RASGRF2: variants seen among roughly 807,000 people sequenced by gnomAD.
RASGRF2 encodes Ras protein specific guanine nucleotide releasing factor 2.
A neutral mutation model predicts 151.0 loss-of-function variants in RASGRF2; 76 were observed. The observed-to-expected ratio is 0.50, with a 90% CI of 0.42 to 0.61. The LOEUF (loss-of-function observed/expected upper bound fraction) is 0.61. Among genes scored for constraint, RASGRF2 ranks in the 20% least tolerant of loss-of-function variants. RASGRF2 has a pLI of 0.00. For missense variants in RASGRF2, 1,148 were observed against 1,564.6 expected, an observed-to-expected ratio of 0.73 and a Z score of 4.49; for synonymous variants, 504 against 566.5, an observed-to-expected ratio of 0.89 and a Z score of 1.57.
chr5:81,130,089 T>G (rs1328065322), intron 17 of RASGRF2, among the ~76,000 whole-genome samples: 5 of 152,202 alleles, frequency 3.3e-5, no homozygotes, highest in Middle Eastern at 3.2e-3. Context: ...TCTGTTGCCT[T>G]TTTTCCTACT....
Position 81,109,093 on chromosome 5 carries a change from C to T in RASGRF2, c.1838+15C>T, listed in dbSNP as rs1466407887. 6.2e-7 allele frequency: 1 copy of T among 1,600,826 alleles called. No homozygotes were observed. The highest frequency in any genetic ancestry group is 1.1e-5 in the South Asian group (1 of 89,918). On this transcript the variant is annotated intron_variant, in intron 13 of 26. Transcript: ENST00000265080. ...CATATGATTAAGTAAGTGTGAGAAT[C>T]CTTTCCTTTACATTTTAATCAAGAT...
chr5:81,158,588 AAAG>A (rs1335663258), intron 17 of RASGRF2, among the ~76,000 whole-genome samples: 1 of 152,144 alleles, frequency 6.6e-6, no homozygotes, highest in African/African-American at 2.4e-5. Flanking sequence ...CGAAATATAT[AAAG>A]AAGTTTTACA....
chr5:81,119,088 C>T (rs142316189), intron 15 of RASGRF2, among the ~76,000 whole-genome samples: 66 of 152,328 alleles, frequency 4.3e-4, no homozygotes, highest in African/African-American at 1.5e-3. Flanking sequence ...TCATCCTTAA[C>T]GCTCCATCCA....
In RASGRF2 at chr5:81,184,886, C is replaced by A. The variant is rs116440295; in HGVS notation, c.2793+4605C>A. On this transcript the variant is annotated intron_variant, in intron 18 of 26. Coordinates refer to ENST00000265080, the MANE Select transcript of RASGRF2 (RefSeq NM_006909.3). ...GTCTCTGACCTCAAGGGGCTTCCAGCCATTGGGAAAATGCCCACTAACAGC... is the reference window on the plus strand; with the variant it reads ...GTCTCTGACCTCAAGGGGCTTCCAGACATTGGGAAAATGCCCACTAACAGC... 2.5e-3 allele frequency among the ~76,000 whole-genome samples: 380 copies of A among 152,318 alleles called. 3 individuals carry two copies. Among genetic ancestry groups the A allele is most frequent in the African/African-American group, 8.4e-3 (350 of 41,558 alleles).
chr5:81,180,691 G>GAC (rs1422312912), intron 18 of RASGRF2, among the ~76,000 whole-genome samples: 1 of 134,496 alleles, frequency 7.4e-6, no homozygotes, highest in Non-Finnish European at 1.6e-5. Context: ...CACCCAGCTA[G>GAC]ACACAAACCT....
Position 80,960,656 on chromosome 5 carries a change from C to T in RASGRF2, c.-83C>T. 8.0e-7 allele frequency: 1 copy of T among 1,244,872 alleles called. No individual in the cohort carries two copies. The highest frequency in any genetic ancestry group is 3.1e-5 in the East Asian group (1 of 32,592). 77.1% of individuals were successfully genotyped at this position (1,244,872 alleles called of 1,614,324 possible). A position where few individuals can be genotyped will look rare whatever the true frequency, so the allele number is the denominator to read the frequency against. ...TCGCCGGCCGGGACCTGAGCGGTCG[C>T]GCCCTCGAGGGAGCCAGCTGGGCCA... On this transcript the variant is annotated 5_prime_UTR_variant, in exon 1 of 27. Transcript: ENST00000265080. This position sits in a 1 kb window ranked among gnomAD's most constrained non-coding sequence, Gnocchi z 5.5.
chr5:81,189,558 G>A (rs189654305), intron 18 of RASGRF2, among the ~76,000 whole-genome samples: 43 of 150,356 alleles, frequency 2.9e-4, no homozygotes, highest in African/African-American at 7.8e-4. Context: ...TGGTGCGATC[G>A]TAGCTCACTA....
chr5:81,081,817 G>A (rs545896877), intron 7 of RASGRF2, among the ~76,000 whole-genome samples: 8 of 152,288 alleles, frequency 5.3e-5, no homozygotes, highest in South Asian at 4.1e-4. Flanking sequence ...ATTTTTAACC[G>A]AAAGGATGCA....
At chr5:81,187,920 T>G (rs1755067317) in intron 18 of RASGRF2, among the ~76,000 whole-genome samples, 1 of 152,230 alleles carries the variant, frequency 6.6e-6, no homozygotes, top group African/African-American at 2.4e-5. Context: ...AGCACTGAGT[T>G]CAGGTTTGTT....
intron 4 of RASGRF2, among the ~76,000 whole-genome samples, chr5:81,071,865 C>T (rs554465799): frequency 8.5e-5 from 13 of 152,052 alleles, no homozygotes; most frequent in East Asian, 1.9e-4. Context: ...ATCTATTGGT[C>T]GGCAAGCACC....
chr5:81,090,969 C>T (rs1005565368), intron 9 of RASGRF2, among the ~76,000 whole-genome samples: 2 of 152,144 alleles, frequency 1.3e-5, no homozygotes, highest in African/African-American at 2.4e-5. Context: ...TTTCACTCAG[C>T]CCTAAGTCAT....
At chr5:80,999,471 T>G (rs1749008312) in intron 1 of RASGRF2, among the ~76,000 whole-genome samples, 2 of 152,152 alleles carry the variant, frequency 1.3e-5, no homozygotes, top group Admixed American at 1.3e-4. Context: ...GCCTCCTGAG[T>G]AGCTAGGACT....
At chr5:80,981,417 T>C (rs35000) in intron 1 of RASGRF2, among the ~76,000 whole-genome samples, 101,834 of 152,002 alleles carry the variant, frequency 0.67, 34,241 homozygotes, top group East Asian at 0.77. Flanking sequence ...CAGTGGTCCA[T>C]GTGCTACAAC....
chr5:81,119,998 A>T (rs1328294924), intron 15 of RASGRF2, among the ~76,000 whole-genome samples: 3 of 152,124 alleles, frequency 2.0e-5, no homozygotes, highest in African/African-American at 7.2e-5. Context: ...GGAGGGGCCC[A>T]TGGCACTTGG....
chr5:81,050,012 A>C (rs1267511122), intron 2 of RASGRF2, among the ~76,000 whole-genome samples: 1 of 152,164 alleles, frequency 6.6e-6, no homozygotes, highest in African/African-American at 2.4e-5. Context: ...CCTGGATAGG[A>C]ATGTAAGGCA....
At chr5:81,096,987 A>C (rs2112510193) in intron 12 of RASGRF2, among the ~76,000 whole-genome samples, 1 of 150,530 alleles carries the variant, frequency 6.6e-6, no homozygotes, top group Middle Eastern at 3.4e-3. Flanking sequence ...TTTGAGATGG[A>C]GTCTCGCTCT....
Position 80,960,474 on chromosome 5 carries a change from T to C in RASGRF2, c.-265T>C. On this transcript the variant is annotated 5_prime_UTR_variant, in exon 1 of 27. Transcript: ENST00000265080. The surrounding 1 kb of genome is among the most constrained non-coding windows in gnomAD (Gnocchi z 5.5). ...CGCGGGGCCGCGCTCCACGCGGGCG[T>C]TGGGGGCTTGGGGGGCTCCGGGGGC... Among the ~76,000 whole-genome samples, 1 of 141,808 alleles carries C rather than the reference T, an allele frequency of 7.1e-6. No individual in the cohort carries two copies. Among genetic ancestry groups the C allele is most frequent in the South Asian group, 2.6e-4 (1 of 3,878 alleles). The allele number at this position is 141,808 out of a possible 152,430, so 93.0% of individuals were successfully genotyped here. A position where few individuals can be genotyped will look rare whatever the true frequency, so the allele number is the denominator to read the frequency against.
At chr5:81,062,024 A>C (rs1751458142) in intron 2 of RASGRF2, among the ~76,000 whole-genome samples, 1 of 148,502 alleles carries the variant, frequency 6.7e-6, no homozygotes, top group African/African-American at 2.5e-5. Flanking sequence ...AAAAAAAAAA[A>C]CTGTAGAGAT....
chr5:81,137,056 AC>A (rs1209633002), intron 17 of RASGRF2, among the ~76,000 whole-genome samples: 1 of 152,136 alleles, frequency 6.6e-6, no homozygotes, highest in African/African-American at 2.4e-5. Flanking sequence ...ATAGATATTT[AC>A]CTACTTACAA....
Sources: allele counts gnomAD v4.1 joint callset (sites outside exome capture counted in the v4.1 genomes callset), GRCh38; gene constraint gnomAD v4.1.1; non-coding constraint Gnocchi (gnomAD v3.1); transcripts MANE v1.5; gene names NCBI Gene and HGNC (gene_info 2026-07-23, HGNC 2026-07-21).